Variants in MCU observed in about 807,000 individuals in gnomAD.
MCU encodes the protein mitochondrial calcium uniporter.
Under a neutral mutation model 45.2 loss-of-function variants are expected in MCU, and 12 were observed. The observed-to-expected ratio is 0.27, with a 90% CI of 0.17 to 0.43. The LOEUF (loss-of-function observed/expected upper bound fraction) is 0.43. MCU is among the 20% of genes least tolerant of loss of function. MCU has a pLI of 1.00. For synonymous variants in MCU, 160 were observed against 165.1 expected, an observed-to-expected ratio of 0.97 and a Z score of 0.24; for missense variants, 324 against 436.7, an observed-to-expected ratio of 0.74 and a Z score of 2.30.
chr10:72,853,467 A>G, intron 2 of MCU, among the ~76,000 whole-genome samples: 1 of 152,208 alleles, frequency 6.6e-6, no homozygotes, highest in Non-Finnish European at 1.5e-5. Flanking sequence ...TGAGAGGGGG[A>G]AAAAAGCCCC....
chr10:72,825,043 A>G (rs1045274532), intron 1 of MCU, among the ~76,000 whole-genome samples: 1 of 152,028 alleles, frequency 6.6e-6, no homozygotes, highest in Non-Finnish European at 1.5e-5. Context: ...CATTACTGAA[A>G]TTTTTTCTGT....
At chr10:72,853,538 G>T (rs939812337) in intron 2 of MCU, among the ~76,000 whole-genome samples, 1 of 152,136 alleles carries the variant, frequency 6.6e-6, no homozygotes, top group African/African-American at 2.4e-5. Context: ...CCTAACATAA[G>T]TGTAATTGGA....
chr10:72,715,965 T>A (rs1405352797), intron 1 of MCU: 7 of 830,626 alleles, frequency 8.4e-6, no homozygotes, highest in Non-Finnish European at 1.0e-5. Flanking sequence ...TATTTTGGTG[T>A]GAACTCATGT....
At chr10:72,710,869 A>G (rs1842883979) in intron 1 of MCU, among the ~76,000 whole-genome samples, 1 of 152,078 alleles carries the variant, frequency 6.6e-6, no homozygotes, top group Admixed American at 6.6e-5. Context: ...AGAATGTTTT[A>G]AAACCTTATT....
intron 1 of MCU, among the ~76,000 whole-genome samples, chr10:72,818,166 G>A (rs1461956651): frequency 6.6e-6 from 1 of 152,114 alleles, no homozygotes; most frequent in African/African-American, 2.4e-5. Context: ...TGAAAAATTT[G>A]ATTTAAAATG....
At chr10:72,875,798 A>G (rs1275069675) in intron 6 of MCU, among the ~76,000 whole-genome samples, 4 of 152,342 alleles carry the variant, frequency 2.6e-5, no homozygotes, top group South Asian at 2.1e-4. Flanking sequence ...ACTGATTTCT[A>G]TTATGTGGAA....
At chr10:72,762,443 A>T (rs1240407603) in intron 1 of MCU, among the ~76,000 whole-genome samples, 1 of 151,356 alleles carries the variant, frequency 6.6e-6, no homozygotes, top group Non-Finnish European at 1.5e-5. Flanking sequence ...TTTTTTTTTT[A>T]AACTACATAC....
chr10:72,772,452 T>A (rs1843825364), intron 1 of MCU, among the ~76,000 whole-genome samples: 2 of 152,166 alleles, frequency 1.3e-5, no homozygotes, highest in Non-Finnish European at 2.9e-5. Context: ...ATCCCAGCAC[T>A]TTGGGAGGTC....
chr10:72,801,730 G>C (rs1844344638), intron 1 of MCU, among the ~76,000 whole-genome samples: 1 of 148,674 alleles, frequency 6.7e-6, no homozygotes, highest in Admixed American at 6.7e-5. Context: ...GGAGTGCAGT[G>C]GTGTGATCTT....
intron 1 of MCU, among the ~76,000 whole-genome samples, chr10:72,815,596 T>C (rs11000420): frequency 0.56 from 85,096 of 151,966 alleles, 25,185 homozygotes; most frequent in Non-Finnish European, 0.67. Context: ...ATGTTGACCA[T>C]GTCTTGAAGT....
intron 6 of MCU, among the ~76,000 whole-genome samples, chr10:72,876,605 A>C (rs773203290): frequency 5.2e-4 from 79 of 152,278 alleles, no homozygotes; most frequent in Non-Finnish European, 8.5e-4. Context: ...AAGACTTCAC[A>C]TCAAGATCCC....
chr10:72,740,254 C>A (rs1175448887), intron 1 of MCU, among the ~76,000 whole-genome samples: 1 of 151,806 alleles, frequency 6.6e-6, no homozygotes, highest in African/African-American at 2.4e-5. Flanking sequence ...TGGTGTGCAC[C>A]TGTAGTCCCA....
chr10:72,695,990 C>T (rs562419564), intron 1 of MCU, among the ~76,000 whole-genome samples: 23 of 151,102 alleles, frequency 1.5e-4, no homozygotes, highest in South Asian at 8.4e-4. Flanking sequence ...GGTGAAACCT[C>T]GTCTCTACTA....
At chr10:72,848,657 G>T (rs539541221) in intron 2 of MCU, among the ~76,000 whole-genome samples, 2 of 152,248 alleles carry the variant, frequency 1.3e-5, no homozygotes, top group South Asian at 4.2e-4. Flanking sequence ...TTACAGGCAA[G>T]AATTATAGAG....
intron 6 of MCU, among the ~76,000 whole-genome samples, chr10:72,876,896 T>A (rs765421184): frequency 4.0e-5 from 6 of 151,538 alleles, no homozygotes; most frequent in African/African-American, 9.7e-5. Context: ...TGTCTGCATC[T>A]TCTCTCACTT....
chr10:72,825,157 A>G (rs17657168), intron 1 of MCU, among the ~76,000 whole-genome samples: 9,170 of 152,292 alleles, frequency 0.06, 410 homozygotes, highest in Non-Finnish European at 0.091. Context: ...GAAGAATACA[A>G]CAGGGCACAA....
intron 1 of MCU, among the ~76,000 whole-genome samples, chr10:72,793,278 C>G (rs1844195256): frequency 6.6e-6 from 1 of 152,030 alleles, no homozygotes. Flanking sequence ...AATCCTCAGG[C>G]AAAATAAAGT....
At chr10:72,778,490 G>C (rs1843934253) in intron 1 of MCU, among the ~76,000 whole-genome samples, 1 of 152,154 alleles carries the variant, frequency 6.6e-6, no homozygotes, top group African/African-American at 2.4e-5. Flanking sequence ...CATGAAGATA[G>C]AGTGTAGAAT....
intron 1 of MCU, among the ~76,000 whole-genome samples, chr10:72,820,324 A>G (rs1844691912): frequency 6.6e-6 from 1 of 152,174 alleles, no homozygotes; most frequent in South Asian, 2.1e-4. Context: ...TCTCATACTC[A>G]TGAACTTCCC....
Sources: allele counts gnomAD v4.1 joint callset (sites outside exome capture counted in the v4.1 genomes callset), GRCh38; gene constraint gnomAD v4.1.1; transcripts MANE v1.5; gene names NCBI Gene and HGNC (gene_info 2026-07-23, HGNC 2026-07-21).